The following OSBP2 variants were observed in gnomAD, a reference collection of about 807,000 sequenced individuals.
The protein encoded by OSBP2 is oxysterol-binding protein 2.
Under a neutral mutation model 96.0 loss-of-function variants are expected in OSBP2, and 66 were observed. The ratio of observed to expected loss-of-function variants is 0.69; its 90% CI spans 0.56 to 0.84. The LOEUF (loss-of-function observed/expected upper bound fraction) is 0.84. Ranked by LOEUF, OSBP2 falls within the 40% of genes least tolerant of loss-of-function variation. The probability of loss-of-function intolerance (pLI) is 0.00; values close to 1 mark genes in which losing one functional copy is unlikely to be tolerated. For synonymous variants in OSBP2, 525 were observed against 520.9 expected (o/e 1.01, Z -0.11); for missense variants, 1,038 against 1,222.7 (o/e 0.85, Z 2.25).
chr22:30,705,721 G>A (rs1021948903), intron 1 of OSBP2, among the ~76,000 whole-genome samples: 2 of 152,142 alleles, frequency 1.3e-5, no homozygotes, highest in Non-Finnish European at 2.9e-5. Context: ...AGTCTGAAAC[G>A]TTTGTGACAG....
intron 1 of OSBP2, among the ~76,000 whole-genome samples, chr22:30,726,852 C>T (rs117288936): frequency 7.2e-5 from 11 of 152,264 alleles, no homozygotes; most frequent in Non-Finnish European, 1.5e-4. Flanking sequence ...AGAGTGACAG[C>T]CTCATCTCCG....
Position 30,890,396 on chromosome 22 carries a change from C to G in OSBP2, c.1624-332C>G, listed in dbSNP as rs1299531147. Among the ~76,000 whole-genome samples the G allele has an allele frequency of 6.6e-6, 1 of 152,160 alleles. No homozygotes were observed. The highest frequency in any genetic ancestry group is 1.5e-5 in the Non-Finnish European group (1 of 68,028). On this transcript the variant is annotated intron_variant, in intron 7 of 13. Transcript: ENST00000332585. The surrounding 1 kb of genome is among the most constrained non-coding windows in gnomAD (Gnocchi z 4.4). Reference sequence around the variant, plus strand: ...TCATGTGCCCATTCAGTCACTGCTTCCTAAGATTCTGCACTCAAGATACAG... The same window carrying G: ...TCATGTGCCCATTCAGTCACTGCTTGCTAAGATTCTGCACTCAAGATACAG...
chr22:30,887,487 A>G lies in OSBP2; in HGVS notation c.1169A>G (p.Gln390Arg), dbSNP rs376843263. ...IHSRKWQRAL[Q>R]YEQEQRVHLE... ...AGTCGGAAATGGCAGCGGGCACTGCAGTATGAGCAGGAGCAGCGCGTGCAC... is the reference window on the plus strand; with the variant it reads ...AGTCGGAAATGGCAGCGGGCACTGCGGTATGAGCAGGAGCAGCGCGTGCAC... Residue 390 changes from glutamine (Q) to arginine (R), a missense_variant, in exon 4 of 14, where the codon CAG (glutamine) becomes CGG (arginine). By Grantham distance (43) the Gln-to-Arg change is conservative. This residue lies in a region of OSBP2 where 737 missense variants were observed against 913.3 expected (regional missense o/e 0.81). Coordinates refer to ENST00000332585, the MANE Select transcript of OSBP2 (RefSeq NM_030758.4). The G allele has an allele frequency of 5.6e-6, 9 of 1,613,730 alleles. No individual in the cohort carries two copies. Among genetic ancestry groups the G allele is most frequent in the South Asian group, 1.1e-5 (1 of 91,090 alleles).
chr22:30,741,559 G>A (rs953403825), intron 2 of OSBP2, among the ~76,000 whole-genome samples, 190 bp downstream of exon 2: 5 of 152,304 alleles, frequency 3.3e-5, no homozygotes, highest in Admixed American at 6.5e-5. Flanking sequence ...TCTGTCTGGC[G>A]AGCAGTTCTT....
chr22:30,717,410 T>C (rs2089480444), intron 1 of OSBP2, among the ~76,000 whole-genome samples: 1 of 152,166 alleles, frequency 6.6e-6, no homozygotes, highest in Admixed American at 6.6e-5. Flanking sequence ...CAAAGATCAT[T>C]TGACACAGGG....
At chr22:30,904,221 C>T (rs777153805) in intron 12 of OSBP2, among the ~76,000 whole-genome samples, 1 of 152,228 alleles carries the variant, frequency 6.6e-6, no homozygotes, top group South Asian at 2.1e-4. Flanking sequence ...TGGTCACCAG[C>T]TGTCATCCTT....
At chr22:30,814,905 A>G (rs2091062874) in intron 2 of OSBP2, among the ~76,000 whole-genome samples, 2 of 152,176 alleles carry the variant, frequency 1.3e-5, no homozygotes, top group Admixed American at 6.5e-5. Context: ...TTCAGTCACA[A>G]TAAGCAGCTT....
At chr22:30,876,870 T>C (rs896872544) in intron 3 of OSBP2, among the ~76,000 whole-genome samples, 21 of 152,170 alleles carry the variant, frequency 1.4e-4, no homozygotes, top group Non-Finnish European at 4.4e-5. Flanking sequence ...CAGAGCCCAC[T>C]ACACTGCTGC....
In OSBP2 at chr22:30,889,563, C is replaced by A. The variant is rs1241415820; in HGVS notation, c.1550C>A (p.Pro517His). ...VKRRVRIPNK[P>H]NYSLNLWSIM... Reference sequence around the variant, plus strand: ...AGGCGAGTCCGCATTCCCAACAAGCCCAACTACAGCCTTAACCTCTGGAGC... The same window carrying A: ...AGGCGAGTCCGCATTCCCAACAAGCACAACTACAGCCTTAACCTCTGGAGC... The change falls in exon 7 of 14, where the codon CCC becomes CAC. Residue 517 changes from proline (P) to histidine (H), a missense_variant. This residue lies in a region of OSBP2 where 737 missense variants were observed against 913.3 expected (regional missense o/e 0.81). Transcript: ENST00000332585. 1 of 1,614,088 alleles carries A rather than the reference C, an allele frequency of 6.2e-7. No individual in the cohort carries two copies. Among genetic ancestry groups the A allele is most frequent in the Non-Finnish European group, 8.5e-7 (1 of 1,180,014 alleles).
At position 30,719,120 on chromosome 22, in the gene OSBP2, C is replaced by G. The variant is rs1040790984; in HGVS notation, c.645-22041C>G. Among the ~76,000 whole-genome samples, 18 of 152,120 alleles carry G rather than the reference C, an allele frequency of 1.2e-4. 1 individual carries two copies. Among genetic ancestry groups the G allele is most frequent in the Non-Finnish European group, 4.4e-5 (3 of 68,032 alleles). On this transcript the variant is annotated intron_variant, in intron 1 of 13. Transcript: ENST00000332585. ...CTTGAGCTGATTCCCGCTGTGCCTT[C>G]TCTCCAGCCTGTACTTACCTGAGTG...
At chr22:30,859,885 C>T (rs1172911613) in intron 2 of OSBP2, among the ~76,000 whole-genome samples, 2 of 152,180 alleles carry the variant, frequency 1.3e-5, no homozygotes, top group Non-Finnish European at 2.9e-5. Context: ...GGAGGCAGCA[C>T]GGAGCACTGG....
intron 1 of OSBP2, among the ~76,000 whole-genome samples, chr22:30,709,567 G>C (rs1263739666): frequency 6.6e-6 from 1 of 151,852 alleles, no homozygotes; most frequent in Non-Finnish European, 1.5e-5. Flanking sequence ...CCAGGCTGGA[G>C]TGCAGTGGTA....
At chr22:30,866,241 C>G (rs1373118961) in intron 2 of OSBP2, among the ~76,000 whole-genome samples, 1 of 152,332 alleles carries the variant, frequency 6.6e-6, no homozygotes, top group South Asian at 2.1e-4. Context: ...GGGCCCAGCA[C>G]AATCACTGGA....
At position 30,851,616 on chromosome 22, in the gene OSBP2, T is replaced by C. The variant is rs1236529603; in HGVS notation, c.854-18813T>C. On this transcript the variant is annotated intron_variant, in intron 2 of 13. Transcript: ENST00000332585. ...GCCTTATTGCACTGACTGGAACTTC[T>C]AATGTAATGTTGAGTAGAAGTGGTA... Among the ~76,000 whole-genome samples the C allele has an allele frequency of 2.6e-5, 4 of 152,308 alleles. No individual in the cohort carries two copies. In the East Asian group the frequency reaches 5.8e-4, roughly 22 times the overall value.
chr22:30,698,810 C>T (rs2089104233), intron 1 of OSBP2, among the ~76,000 whole-genome samples: 1 of 152,072 alleles, frequency 6.6e-6, no homozygotes, highest in Admixed American at 6.6e-5. Context: ...CCTGCCATCC[C>T]ATCCCACTTT....
chr22:30,758,754 G>T (rs967365546), intron 2 of OSBP2, among the ~76,000 whole-genome samples: 1 of 152,110 alleles, frequency 6.6e-6, no homozygotes, highest in Non-Finnish European at 1.5e-5. Flanking sequence ...GGGAACCCCT[G>T]TTCCATTTTT....
chr22:30,771,395 C>CA (rs2090345471), intron 2 of OSBP2, among the ~76,000 whole-genome samples: 1 of 152,198 alleles, frequency 6.6e-6, no homozygotes, highest in Non-Finnish European at 1.5e-5. Flanking sequence ...TCCAGAGGGG[C>CA]AACCTGGGGT....
intron 1 of OSBP2, among the ~76,000 whole-genome samples, chr22:30,730,627 G>A (rs145989312): frequency 1.6e-4 from 24 of 150,408 alleles, no homozygotes; most frequent in Middle Eastern, 3.4e-3. Flanking sequence ...AGCTTGCATT[G>A]AATGGAAGTT....
intron 2 of OSBP2, among the ~76,000 whole-genome samples, chr22:30,755,896 A>G (rs764751400): frequency 2.0e-5 from 3 of 152,194 alleles, no homozygotes; most frequent in African/African-American, 2.4e-5. Flanking sequence ...CAGGTCCACC[A>G]GGGCCCTTGG....
Sources: allele counts gnomAD v4.1 joint callset (sites outside exome capture counted in the v4.1 genomes callset), GRCh38; gene constraint gnomAD v4.1.1; regional missense constraint gnomAD v4.1.1; non-coding constraint Gnocchi (gnomAD v3.1); transcripts MANE v1.5; gene names NCBI Gene and HGNC (gene_info 2026-07-23, HGNC 2026-07-21).